The following CEP57L1 variants were observed in gnomAD, a reference collection of about 807,000 sequenced individuals.
CEP57L1 encodes the protein centrosomal protein 57 like 1, also known as centrosomal protein CEP57L1.
CEP57L1 carries 37 observed loss-of-function variants against 61.0 expected under a neutral mutation model. That is an observed-to-expected ratio of 0.61 (90% CI 0.47 to 0.80). The LOEUF (loss-of-function observed/expected upper bound fraction) is 0.80, where lower values mean the gene tolerates loss of function less well. Among genes scored for constraint, CEP57L1 ranks in the 30% least tolerant of loss-of-function variants. The pLI is 0.00. For missense variants in CEP57L1, 422 were observed against 524.7 expected, an observed-to-expected ratio of 0.80 and a Z score of 1.91; for synonymous variants, 137 against 162.3, an observed-to-expected ratio of 0.84 and a Z score of 1.19.
At chr6:109,113,895 T>C (rs1771975345) in intron 1 of CEP57L1, among the ~76,000 whole-genome samples, 1 of 152,150 alleles carries the variant, frequency 6.6e-6, no homozygotes. Context: ...GGCAAATGGG[T>C]ACAGACATTG....
intron 2 of CEP57L1, among the ~76,000 whole-genome samples, 197 bp downstream of exon 2, chr6:109,145,578 T>G (rs1724904139): frequency 6.6e-6 from 1 of 151,922 alleles, no homozygotes; most frequent in South Asian, 2.1e-4. Flanking sequence ...AAAATGAAGA[T>G]TAATACAACC....
chr6:109,104,367 A>G (rs532581446), intron 1 of CEP57L1, among the ~76,000 whole-genome samples: 34 of 152,258 alleles, frequency 2.2e-4, no homozygotes, highest in African/African-American at 7.7e-4. Context: ...ATCATTATAC[A>G]TATGTCCAGA....
chr6:109,121,790 T>C (rs1773002146), intron 1 of CEP57L1, among the ~76,000 whole-genome samples: 2 of 152,226 alleles, frequency 1.3e-5, no homozygotes, highest in Admixed American at 6.5e-5. Flanking sequence ...AGAGGAATTA[T>C]AAATATGGTT....
chr6:109,102,609 C>T (rs1770444395), intron 1 of CEP57L1, among the ~76,000 whole-genome samples: 1 of 151,866 alleles, frequency 6.6e-6, no homozygotes, highest in African/African-American at 2.4e-5. Context: ...AGAACTTTTA[C>T]AGCTTTGTGT....
intron 1 of CEP57L1, among the ~76,000 whole-genome samples, chr6:109,125,524 A>ATATACACATATATATATATT (rs1562524338): frequency 2.1e-5 from 3 of 143,000 alleles, no homozygotes; most frequent in African/African-American, 7.9e-5. Flanking sequence ...ATATATATAT[A>ATATACACATATATATATATT]TTTTTTTTTT....
At chr6:109,105,559 T>A (rs1174799700) in intron 1 of CEP57L1, among the ~76,000 whole-genome samples, 1 of 152,198 alleles carries the variant, frequency 6.6e-6, no homozygotes, top group Non-Finnish European at 1.5e-5. Context: ...CCTATACCAC[T>A]ATTTTAATGA....
intron 1 of CEP57L1, among the ~76,000 whole-genome samples, chr6:109,098,440 C>T (rs1380047031): frequency 1.3e-5 from 2 of 151,772 alleles, no homozygotes; most frequent in African/African-American, 2.4e-5. Context: ...GCCACCGTGC[C>T]CGGCCTCTTT....
chr6:109,124,646 A>G (rs1196943308), intron 1 of CEP57L1, among the ~76,000 whole-genome samples: 1 of 152,140 alleles, frequency 6.6e-6, no homozygotes, highest in Non-Finnish European at 1.5e-5. Flanking sequence ...CATTATTTTT[A>G]TTATTACCAT....
At chr6:109,147,220 C>G (rs1772064117) in intron 3 of CEP57L1, among the ~76,000 whole-genome samples, 1 of 151,912 alleles carries the variant, frequency 6.6e-6, no homozygotes, top group South Asian at 2.1e-4. Flanking sequence ...TTCAGAATAG[C>G]CAACAAACTC....
chr6:109,123,632 T>C (rs904811696), intron 1 of CEP57L1, among the ~76,000 whole-genome samples: 12 of 152,222 alleles, frequency 7.9e-5, no homozygotes, highest in African/African-American at 2.9e-4. Flanking sequence ...AAATCTGTTT[T>C]CTACCTTGGT....
At position 109,167,637 on chromosome 6, in the gene CEP57L1, A is replaced by T. The variant is rs939087892; in HGVS notation, c.*4667A>T. Among the ~76,000 whole-genome samples, 2 of 151,792 alleles carry T rather than the reference A, an allele frequency of 1.3e-5. No homozygotes were observed. Among genetic ancestry groups the T allele is most frequent in the Non-Finnish European group, 2.9e-5 (2 of 67,980 alleles). On this transcript the variant is annotated 3_prime_UTR_variant, in exon 11 of 11. Transcript: ENST00000517392. ...GGTTGCGGTGAGCCGAGATTGTGCCACTGCACTCCAGCCTGGGCAACAGAG... is the reference window on the plus strand; with the variant it reads ...GGTTGCGGTGAGCCGAGATTGTGCCTCTGCACTCCAGCCTGGGCAACAGAG...
chr6:109,161,347 C>T (rs1773700535), intron 10 of CEP57L1, among the ~76,000 whole-genome samples: 1 of 152,132 alleles, frequency 6.6e-6, no homozygotes, highest in South Asian at 2.1e-4. Context: ...AAGACAATGA[C>T]TCCGTAGGTT....
At chr6:109,150,341 A>C in intron 4 of CEP57L1, 102 bp downstream of exon 4, 7 of 1,396,850 alleles carry the variant, frequency 5.0e-6, no homozygotes, top group Non-Finnish European at 6.9e-6. Flanking sequence ...GCATAATGTT[A>C]GAATGAGGTC....
At chr6:109,113,472 C>T (rs929249216) in intron 1 of CEP57L1, among the ~76,000 whole-genome samples, 1 of 152,116 alleles carries the variant, frequency 6.6e-6, no homozygotes, top group Admixed American at 6.6e-5. Context: ...GGGGAGCCAC[C>T]TATACAGGAT....
In CEP57L1 at chr6:109,165,010, G is replaced by A. The variant is rs952198534; in HGVS notation, c.*2040G>A. Among the ~76,000 whole-genome samples the A allele has an allele frequency of 2.6e-5, 4 of 151,484 alleles. No individual in the cohort carries two copies. Among genetic ancestry groups the A allele is most frequent in the African/African-American group, 9.7e-5 (4 of 41,174 alleles). On this transcript the variant is annotated 3_prime_UTR_variant, in exon 11 of 11. Coordinates refer to ENST00000517392, the MANE Select transcript of CEP57L1 (RefSeq NM_001271852.3). ...GGGGAATCGCTTGAACCTGGGAGAT[G>A]GAGGTTGCAGTGAGCTGAGATCTCA...
chr6:109,159,788 A>C (rs905463145), intron 9 of CEP57L1, among the ~76,000 whole-genome samples: 30 of 151,930 alleles, frequency 2.0e-4, no homozygotes, highest in African/African-American at 7.3e-4. Context: ...CTACTTTTTC[A>C]TTCTTAGGTA....
Position 109,171,926 on chromosome 6 carries a change from CTGTTTT to C in CEP57L1, c.*8961_*8966del, listed in dbSNP as rs1490116142. ...AAATGAGAACTAGACAGTGTGGTGA[CTGTTTT>C]TGTTGTTAACCTTACCTCAGTGTTT... On this transcript the variant is annotated 3_prime_UTR_variant, in exon 11 of 11. Transcript: ENST00000517392. Among the ~76,000 whole-genome samples the C allele has an allele frequency of 3.3e-5, 5 of 152,242 alleles. No individual in the cohort carries two copies. Among genetic ancestry groups the C allele is most frequent in the Admixed American group, 2.0e-4 (3 of 15,292 alleles).
intron 1 of CEP57L1, among the ~76,000 whole-genome samples, chr6:109,108,243 T>G (rs542576044): frequency 6.9e-6 from 1 of 145,344 alleles, no homozygotes; most frequent in Non-Finnish European, 1.5e-5. Context: ...ATTTTTCTCT[T>G]TTTTTTTTTT....
rs1260272965 is a variant in CEP57L1, at chr6:109,159,465, A to C, written c.1016+3A>C. 1 of 1,611,282 alleles carries C rather than the reference A, an allele frequency of 6.2e-7. No homozygotes were observed. Among genetic ancestry groups the C allele is most frequent in the Non-Finnish European group, 8.5e-7 (1 of 1,178,708 alleles). On this transcript the variant is annotated splice_donor_region_variant and intron_variant, in intron 9 of 10. Coordinates refer to ENST00000517392, the MANE Select transcript of CEP57L1 (RefSeq NM_001271852.3). The stretch of plus-strand genomic sequence containing the variant: ...GATGAGCTGGACCAAATGAGCATGT[A>C]AGTATTTATATTCTTTTTTTTTTTC...
Sources: gnomAD v4.1 joint callset for allele counts (sites outside exome capture counted in the v4.1 genomes callset) on GRCh38, gnomAD v4.1.1 for gene constraint, MANE v1.5 for transcripts, NCBI Gene and HGNC (gene_info 2026-07-23, HGNC 2026-07-21) for gene names.